Variants in MAP9 observed in about 807,000 individuals in gnomAD.
The protein encoded by MAP9 is microtubule associated protein 9, also known as microtubule-associated protein 9.
Under a neutral mutation model 75.2 loss-of-function variants are expected in MAP9, and 80 were observed. The ratio of observed to expected loss-of-function variants is 1.06; its 90% CI spans 0.89 to 1.28. MAP9 has a LOEUF of 1.28. Ranked by LOEUF, MAP9 falls within the 50% of genes most tolerant of loss-of-function variation. The pLI, the probability that MAP9 is intolerant of heterozygous loss-of-function variation, is 0.00. For missense variants in MAP9, 753 were observed against 719.9 expected (o/e 1.05, Z -0.53); for synonymous variants, 235 against 237.3 (o/e 0.99, Z 0.09).
In MAP9 at chr4:155,368,758, C is replaced by A; in HGVS notation, c.536G>T (p.Arg179Met). 6.2e-7 allele frequency: 1 copy of A among 1,613,966 alleles called. No individual in the cohort carries two copies. Among genetic ancestry groups the A allele is most frequent in the Non-Finnish European group, 8.5e-7 (1 of 1,179,868 alleles). The change falls in exon 5 of 14, where the codon AGG becomes ATG. Residue 179 changes from arginine to methionine, a missense_variant. By Grantham distance (91) the Arg-to-Met change is moderately conservative. Coordinates refer to ENST00000311277, the MANE Select transcript of MAP9 (RefSeq NM_001039580.2). ...DDHFKPSPRP[R>M]SMLKKKSHME... The stretch of plus-strand genomic sequence containing the variant: ...GTGACTTTTCTTTTTCAACATACTC[C>A]TTGGCCGAGGTGATGGTTTAAAGTG...
intron 10 of MAP9, 147 bp downstream of exon 10, chr4:155,354,924 A>G (rs3775248): frequency 0.28 from 126,624 of 450,028 alleles, 18,788 homozygotes; most frequent in Non-Finnish European, 0.3. Context: ...AAATGTATAA[A>G]GTAAAACAGA....
In MAP9 at chr4:155,352,740, A is replaced by G. The variant is rs758439440; in HGVS notation, c.1689-12T>C. On this transcript the variant is annotated splice_polypyrimidine_tract_variant and intron_variant, in intron 12 of 13. Coordinates refer to ENST00000311277, the MANE Select transcript of MAP9 (RefSeq NM_001039580.2). ...CCTTTTTTTCATTCCTATAGAGCAT[A>G]GTATAAAACACTGGAGAGTTAAAGG... The G allele has an allele frequency of 2.0e-6, 3 of 1,531,708 alleles. No individual in the cohort carries two copies. The highest frequency in any genetic ancestry group is 2.6e-6 in the Non-Finnish European group (3 of 1,133,798). 94.9% of individuals were successfully genotyped at this position (1,531,708 alleles called of 1,614,324 possible). A position where few individuals can be genotyped will look rare whatever the true frequency, so the allele number is the denominator to read the frequency against.
chr4:155,373,486 A>C (rs375279353), intron 3 of MAP9, 30 bp from the exon 4 acceptor site: 17 of 1,392,686 alleles, frequency 1.2e-5, no homozygotes, highest in Non-Finnish European at 1.5e-5. Context: ...AATGTTTTCA[A>C]CAGTATTTTT....
rs1371300109 is a variant in MAP9, at chr4:155,343,249, T to A, written c.*4534A>T. 1 of 148,980 alleles carries A rather than the reference T, an allele frequency of 6.7e-6. No homozygotes were observed. Among genetic ancestry groups the A allele is most frequent in the Non-Finnish European group, 1.5e-5 (1 of 66,960 alleles). The allele number at this position is 148,980 out of a possible 1,614,324, so 9.2% of individuals were successfully genotyped here. The stretch of plus-strand genomic sequence containing the variant: ...ATACATATTTGTATATACACACAGA[T>A]AGCACAGGAGAGAGACAGAGTGGGA... On this transcript the variant is annotated 3_prime_UTR_variant, in exon 14 of 14. Transcript: ENST00000311277.
rs1732764097 is a variant in MAP9 at position 155,374,775 on chromosome 4, G to A, written c.160+162C>T. On this transcript the variant is annotated intron_variant, in intron 3 of 13. Transcript: ENST00000311277. ...TACAACTTCCTGAAAATTAAGAGTG[G>A]CTTTCTACTAATTAAAAAGTTGAAA... Among the ~76,000 whole-genome samples the A allele has an allele frequency of 5.3e-5, 8 of 152,154 alleles. No individual in the cohort carries two copies. In the South Asian group the frequency reaches 1.7e-3, roughly 32 times the overall value.
At position 155,360,178 on chromosome 4, in the gene MAP9, G is replaced by A. The variant is rs773358480; in HGVS notation, c.1040C>T (p.Ala347Val). Reference sequence around the variant, plus strand: ...AATTTTTACAAATACCTTTGAAGATGCTGTTGCACTGGTAGATATTAAGAT... The same window carrying A: ...AATTTTTACAAATACCTTTGAAGATACTGTTGCACTGGTAGATATTAAGAT... Reference protein sequence around the residue: ...QSILISTSATASSKKTIEDRN... With the variant: ...QSILISTSATVSSKKTIEDRN... Residue 347 changes from alanine to valine, a missense_variant, in exon 7 of 14, where the codon GCA (alanine) becomes GTA (valine). By Grantham distance (64) the Ala-to-Val change is moderately conservative. Coordinates refer to ENST00000311277, the MANE Select transcript of MAP9 (RefSeq NM_001039580.2). 15 of 1,609,086 alleles carry A rather than the reference G, an allele frequency of 9.3e-6. No homozygotes were observed. The highest frequency in any genetic ancestry group is 1.3e-5 in the Non-Finnish European group (15 of 1,176,232).
chr4:155,349,042 T>C (rs1413343365), intron 13 of MAP9, among the ~76,000 whole-genome samples: 1 of 152,090 alleles, frequency 6.6e-6, no homozygotes, highest in Non-Finnish European at 1.5e-5. Context: ...CTGAAACATG[T>C]TTTAAAACTA....
At position 155,346,096 on chromosome 4, in the gene MAP9, C is replaced by T. The variant is rs1019577766; in HGVS notation, c.*1687G>A. Reference sequence around the variant, plus strand: ...CTCTTAATTGTCTATAGCACTGATACAATCTTACAAAGCTGCCTATGACAT... The same window carrying T: ...CTCTTAATTGTCTATAGCACTGATATAATCTTACAAAGCTGCCTATGACAT... On this transcript the variant is annotated 3_prime_UTR_variant, in exon 14 of 14. Coordinates refer to ENST00000311277, the MANE Select transcript of MAP9 (RefSeq NM_001039580.2). 1.3e-5 allele frequency: 2 copies of T among 152,172 alleles called. No homozygotes were observed. The highest frequency in any genetic ancestry group is 1.3e-4 in the Admixed American group (2 of 15,266). The allele number at this position is 152,172 out of a possible 1,614,324, so 9.4% of individuals were successfully genotyped here.
chr4:155,345,207 CA>C lies in MAP9; in HGVS notation c.*2575del, dbSNP rs1731239758. 1 of 151,972 alleles carries C rather than the reference CA, an allele frequency of 6.6e-6. No homozygotes were observed. Among genetic ancestry groups the C allele is most frequent in the Non-Finnish European group, 1.5e-5 (1 of 67,910 alleles). 9.4% of individuals were successfully genotyped at this position (151,972 alleles called of 1,614,324 possible). ...GTATTTTCACCCACCTCCCCGAACT[CA>C]GCTTTATTTGTGCTAGAAGAGGTGA... On this transcript the variant is annotated 3_prime_UTR_variant, in exon 14 of 14. Coordinates refer to ENST00000311277, the MANE Select transcript of MAP9 (RefSeq NM_001039580.2).
At chr4:155,357,587 A>C in intron 7 of MAP9, 68 bp from the exon 8 acceptor site, 3 of 873,234 alleles carry the variant, frequency 3.4e-6, no homozygotes, top group Non-Finnish European at 5.6e-6. Flanking sequence ...TAGAAGCCAA[A>C]CTGCCAGTAA....
At chr4:155,365,062 G>T (rs1189397577) in intron 5 of MAP9, among the ~76,000 whole-genome samples, 1 of 151,870 alleles carries the variant, frequency 6.6e-6, no homozygotes, top group African/African-American at 2.4e-5. Flanking sequence ...TACATTAAAT[G>T]GACAAAACAT....
intron 2 of MAP9, among the ~76,000 whole-genome samples, chr4:155,375,561 A>T (rs567907073): frequency 6.6e-6 from 1 of 152,336 alleles, no homozygotes; most frequent in African/African-American, 2.4e-5. Flanking sequence ...CTTTTAACTT[A>T]GTAGGAAACT....
intron 5 of MAP9, chr4:155,362,812 C>T (rs754887623): frequency 9.2e-5 from 14 of 151,994 alleles, no homozygotes; most frequent in Non-Finnish European, 1.9e-4. Flanking sequence ...TTTCTTTCTC[C>T]GCAGTATTTT....
Position 155,356,015 on chromosome 4 carries a change from C to T in MAP9, c.1122-131G>A, listed in dbSNP as rs558197148. The T allele has an allele frequency of 7.8e-5, 61 of 784,638 alleles. 1 individual carries two copies. The South Asian group carries it at 1.1e-3, about 15-fold the overall frequency. The allele number at this position is 784,638 out of a possible 1,614,324, so 48.6% of individuals were successfully genotyped here. ...ATGGCTCACACCTGTAATCCCAGCA[C>T]TTTGGAAGGCCAAAGTGGGTGGATG... On this transcript the variant is annotated intron_variant, in intron 8 of 13. Transcript: ENST00000311277.
In MAP9 at chr4:155,343,804, C is replaced by A. The variant is rs528553792; in HGVS notation, c.*3979G>T. 3 of 151,868 alleles carry A rather than the reference C, an allele frequency of 2.0e-5. No individual in the cohort carries two copies. The South Asian group carries it at 6.2e-4, about 32-fold the overall frequency. The allele number at this position is 151,868 out of a possible 1,614,324, so 9.4% of individuals were successfully genotyped here. On this transcript the variant is annotated 3_prime_UTR_variant, in exon 14 of 14. Transcript: ENST00000311277. ...TTTGCCTACCCGAGTTAACATTATACAATTACATGTAATATACATATTCAA... is the reference window on the plus strand; with the variant it reads ...TTTGCCTACCCGAGTTAACATTATAAAATTACATGTAATATACATATTCAA...
At chr4:155,355,045 A>AT in intron 10 of MAP9, 26 bp downstream of exon 10, 1 of 1,104,404 alleles carries the variant, frequency 9.1e-7, no homozygotes, top group Non-Finnish European at 1.3e-6. Flanking sequence ...AATCCAAAAC[A>AT]TTTTTACTTC....
chr4:155,349,194 G>A (rs1731399668), intron 13 of MAP9, among the ~76,000 whole-genome samples: 3 of 1,756 alleles, frequency 1.7e-3, no homozygotes, highest in Admixed American at 9.6e-3. Context: ...GTAGTGGTGA[G>A]GGCTCTGAGA....
chr4:155,354,947 A>T (rs999831486), intron 10 of MAP9, 124 bp downstream of exon 10: 18 of 481,804 alleles, frequency 3.7e-5, no homozygotes, highest in Non-Finnish European at 6.6e-5. Flanking sequence ...TAAAACCGGA[A>T]ATCATTTCTT....
intron 8 of MAP9, among the ~76,000 whole-genome samples, chr4:155,356,902 T>A (rs570059790): frequency 1.3e-5 from 2 of 152,338 alleles, no homozygotes; most frequent in African/African-American, 4.8e-5. Context: ...TTAGCACTTA[T>A]GAGTTAGGCA....
Sources: gnomAD v4.1 joint callset for allele counts (sites outside exome capture counted in the v4.1 genomes callset) on GRCh38, gnomAD v4.1.1 for gene constraint, MANE v1.5 for transcripts, NCBI Gene and HGNC (gene_info 2026-07-23, HGNC 2026-07-21) for gene names.